The following PPP1R13B variants were observed in gnomAD, a reference collection of about 807,000 sequenced individuals.
PPP1R13B encodes the protein protein phosphatase 1 regulatory subunit 13B.
Under a neutral mutation model 119.8 loss-of-function variants are expected in PPP1R13B, and 44 were observed. The observed-to-expected ratio is 0.37, with a 90% CI of 0.29 to 0.47. The LOEUF is 0.47. Ranked by LOEUF, PPP1R13B falls within the 20% of genes least tolerant of loss-of-function variation. The pLI, the probability that PPP1R13B is intolerant of heterozygous loss-of-function variation, is 0.99. For missense variants in PPP1R13B, 1,227 were observed against 1,413.5 expected (o/e 0.87, Z 2.12); for synonymous variants, 542 against 561.5 (o/e 0.97, Z 0.49).
At chr14:103,780,280 G>T (rs1384033517) in intron 3 of PPP1R13B, among the ~76,000 whole-genome samples, 1 of 151,590 alleles carries the variant, frequency 6.6e-6, no homozygotes, top group African/African-American at 2.4e-5. Context: ...GAGACCAGGA[G>T]TTCACGACCA....
chr14:103,753,262 A>G, intron 6 of PPP1R13B, 66 bp from the exon 7 acceptor site: 1 of 1,449,258 alleles, frequency 6.9e-7, no homozygotes, highest in South Asian at 1.3e-5. Flanking sequence ...TCATTTCTAT[A>G]CACTGAACTT....
chr14:103,740,307 C>T lies in PPP1R13B; in HGVS notation c.2109G>A (p.Arg703=), dbSNP rs753505987. 1.9e-6 allele frequency: 3 copies of T among 1,580,030 alleles called. No homozygotes were observed. The highest frequency in any genetic ancestry group is 1.7e-6 in the Non-Finnish European group (2 of 1,163,270). Residue 703 remains arginine (R), a synonymous_variant, in exon 12 of 17, where the codon CGG becomes CGA. Transcript: ENST00000202556. The surrounding 1 kb of genome is among the most constrained non-coding windows in gnomAD (Gnocchi z 4.6). ...TGATGGAGCTGCGCTTTTTCAGGGGCCGGGGCGCGTTGGCCAGCTTCCTGC... is the reference window on the plus strand; with the variant it reads ...TGATGGAGCTGCGCTTTTTCAGGGGTCGGGGCGCGTTGGCCAGCTTCCTGC... ...ALRRKLANAP[R]PLKKRSSITE...
At chr14:103,744,468 A>C (rs2084340525) in intron 9 of PPP1R13B, among the ~76,000 whole-genome samples, 1 of 152,222 alleles carries the variant, frequency 6.6e-6, no homozygotes, top group Admixed American at 6.5e-5. Flanking sequence ...TGTTGAAGAA[A>C]GGGACAAATT....
In PPP1R13B at chr14:103,734,750, G is replaced by A. The variant is rs553459072; in HGVS notation, c.*404C>T. The A allele has an allele frequency of 8.6e-6, 4 of 462,478 alleles. No homozygotes were observed. The highest frequency in any genetic ancestry group is 6.7e-5 in the East Asian group (1 of 14,840). 28.6% of individuals were successfully genotyped at this position (462,478 alleles called of 1,614,324 possible). On this transcript the variant is annotated 3_prime_UTR_variant, in exon 17 of 17. Coordinates refer to ENST00000202556, the MANE Select transcript of PPP1R13B (RefSeq NM_015316.3). ...TTCGGTGACGGGGGGCAGGGCGGTC[G>A]CAGGGGAGCAGGCCTCACAGCGGCG...
In PPP1R13B at chr14:103,837,113, A is replaced by C. The variant is rs142179702; in HGVS notation, c.9+10186T>G. ...ATAAACTCTGCCAGGTGCCTGGAGC[A>C]CAAAGATGGACAAAGTGAGTCCAGT... On this transcript the variant is annotated intron_variant, in intron 1 of 16. Transcript: ENST00000202556. 3.9e-5 allele frequency among the ~76,000 whole-genome samples: 6 copies of C among 152,330 alleles called. No homozygotes were observed. In the East Asian group the frequency reaches 1.2e-3, roughly 29 times the overall value.
chr14:103,751,294 A>G (rs2151978384), intron 7 of PPP1R13B, among the ~76,000 whole-genome samples: 1 of 152,382 alleles, frequency 6.6e-6, no homozygotes, highest in South Asian at 2.1e-4. Flanking sequence ...ACAATCGCTT[A>G]AAATGTAGAA....
At chr14:103,750,390 T>C (rs1479422659) in intron 7 of PPP1R13B, among the ~76,000 whole-genome samples, 2 of 152,214 alleles carry the variant, frequency 1.3e-5, no homozygotes, top group Non-Finnish European at 2.9e-5. Context: ...GCAACCAGCA[T>C]TTTAAAGAAA....
intron 4 of PPP1R13B, chr14:103,763,831 C>A (rs1424219773): frequency 6.6e-6 from 1 of 152,288 alleles, no homozygotes; most frequent in East Asian, 1.9e-4. Flanking sequence ...GCTGCAGGCA[C>A]CCACTGATCT....
chr14:103,782,641 C>T (rs1398887512), intron 3 of PPP1R13B, among the ~76,000 whole-genome samples: 2 of 152,148 alleles, frequency 1.3e-5, no homozygotes, highest in Non-Finnish European at 2.9e-5. Context: ...GTGCTATTAA[C>T]TGTTTTAATC....
intron 1 of PPP1R13B, among the ~76,000 whole-genome samples, chr14:103,839,345 C>T (rs948520973): frequency 2.0e-5 from 3 of 151,888 alleles, no homozygotes; most frequent in Admixed American, 2.0e-4. Context: ...AGAAATCTCT[C>T]GCCGGGCACA....
At position 103,749,669 on chromosome 14, in the gene PPP1R13B, T is replaced by C. The variant is rs2084489639; in HGVS notation, c.969+125A>G. On this transcript the variant is annotated intron_variant, in intron 8 of 16. Transcript: ENST00000202556. ...AACTCTGTTCTGTCATTTTTGATGG[T>C]TTATGGCCTATTTATGTTTTATCAG... is the stretch of plus-strand genomic sequence containing the variant. The C allele has an allele frequency of 3.0e-6, 3 of 999,782 alleles. No homozygotes were observed. The South Asian group carries it at 4.9e-5, about 16-fold the overall frequency. The allele number at this position is 999,782 out of a possible 1,614,324, so 61.9% of individuals were successfully genotyped here.
Position 103,742,412 on chromosome 14 carries a change from G to C in PPP1R13B, c.1321-121C>G, listed in dbSNP as rs1044820573. 1.0e-5 allele frequency: 14 copies of C among 1,374,682 alleles called. No homozygotes were observed. The Admixed American group carries it at 2.2e-4, about 21-fold the overall frequency. The allele number at this position is 1,374,682 out of a possible 1,614,324, so 85.2% of individuals were successfully genotyped here. A position where few individuals can be genotyped will look rare whatever the true frequency, so the allele number is the denominator to read the frequency against. On this transcript the variant is annotated intron_variant, in intron 10 of 16. Coordinates refer to ENST00000202556, the MANE Select transcript of PPP1R13B (RefSeq NM_015316.3). This position sits in a 1 kb window ranked among gnomAD's most constrained non-coding sequence, Gnocchi z 4.9. The stretch of plus-strand genomic sequence containing the variant: ...TAATCCGTCAAATTGGCTGTGACCA[G>C]GACTTGGGGCACACTGTTGAGCTCA...
In PPP1R13B at chr14:103,749,923, T is replaced by A; in HGVS notation, c.840A>T (p.Gln280His). ...RLYQELQIRN[Q>H]LNQEQNSKLQ... ...GTTTTGAATTTTGTTCCTGGTTAAG[T>A]TGGTTACGAATCTACAAACCACAAA... Residue 280 changes from glutamine (Q) to histidine (H), a missense_variant, in exon 8 of 17, where the codon CAA becomes CAT. Transcript: ENST00000202556. The A allele has an allele frequency of 6.2e-7, 1 of 1,613,620 alleles. No homozygotes were observed. The highest frequency in any genetic ancestry group is 8.5e-7 in the Non-Finnish European group (1 of 1,179,940).
intron 1 of PPP1R13B, among the ~76,000 whole-genome samples, chr14:103,798,129 A>C (rs1482046385): frequency 1.3e-5 from 2 of 151,394 alleles, no homozygotes; most frequent in African/African-American, 4.9e-5. Flanking sequence ...ACTGATATTC[A>C]AGTACATTAA....
chr14:103,809,604 C>T (rs746891035), intron 1 of PPP1R13B, among the ~76,000 whole-genome samples: 47 of 151,856 alleles, frequency 3.1e-4, no homozygotes, highest in Non-Finnish European at 6.2e-4. Flanking sequence ...GCAGGCTGCT[C>T]GAGCTCAGGA....
intron 1 of PPP1R13B, among the ~76,000 whole-genome samples, chr14:103,811,837 A>ACC: frequency 6.6e-6 from 1 of 151,850 alleles, no homozygotes; most frequent in Non-Finnish European, 1.5e-5. Flanking sequence ...CTGGCAGATC[A>ACC]TGAGGTCAGG....
chr14:103,811,094 C>CAAAAAA (rs36017203), intron 1 of PPP1R13B, among the ~76,000 whole-genome samples: 54 of 65,704 alleles, frequency 8.2e-4, no homozygotes, highest in Middle Eastern at 0.011. Flanking sequence ...GACTCCTCCT[C>CAAAAAA]AAAAAAAAAA....
Position 103,737,782 on chromosome 14 carries a change from A to C in PPP1R13B, c.2943T>G (p.Phe981Leu). 6.2e-7 allele frequency: 1 copy of C among 1,614,216 alleles called. No homozygotes were observed. Among genetic ancestry groups the C allele is most frequent in the East Asian group, 2.2e-5 (1 of 44,894 alleles). ...KQLVESGAAI[F>L]ASTISDIETA... ...TTTCAATGTCGCTTATGGTTGAGGC[A>C]AAAATGGCGGCACCACTCTCCACCA... The change falls in exon 15 of 17, where the codon TTT becomes TTG. Residue 981 changes from phenylalanine (F) to leucine (L), a missense_variant. Phe to Leu is a conservative substitution (Grantham distance 22). Coordinates refer to ENST00000202556, the MANE Select transcript of PPP1R13B (RefSeq NM_015316.3).
intron 1 of PPP1R13B, among the ~76,000 whole-genome samples, chr14:103,830,009 T>G (rs1298277461): frequency 2.0e-5 from 3 of 151,962 alleles, no homozygotes; most frequent in African/African-American, 7.3e-5. Context: ...CATCTCCTGA[T>G]GTCATGATCC....
Sources: allele counts gnomAD v4.1 joint callset (sites outside exome capture counted in the v4.1 genomes callset), GRCh38; gene constraint gnomAD v4.1.1; non-coding constraint Gnocchi (gnomAD v3.1); transcripts MANE v1.5; gene names NCBI Gene and HGNC (gene_info 2026-07-23, HGNC 2026-07-21).